IL1RAPL1: variants seen among roughly 807,000 people sequenced by gnomAD.
IL1RAPL1 encodes the protein interleukin-1 receptor accessory protein-like 1.
In IL1RAPL1, 3 loss-of-function variants were observed where a neutral mutation model predicts 48.4. The ratio of observed to expected loss-of-function variants is 0.06; its 90% CI spans 0.03 to 0.16. The LOEUF (loss-of-function observed/expected upper bound fraction) is 0.16, where lower values mean the gene tolerates loss of function less well. IL1RAPL1 is among the 10% of genes least tolerant of loss of function. The probability of loss-of-function intolerance (pLI) is 1.00; values close to 1 mark genes in which losing one functional copy is unlikely to be tolerated. For missense variants in IL1RAPL1, 349 were observed against 530.6 expected, an observed-to-expected ratio of 0.66 and a Z score of 3.36; for synonymous variants, 185 against 187.7, an observed-to-expected ratio of 0.99 and a Z score of 0.12.
chrX:29,091,364 C>T (rs1464743029), intron 2 of IL1RAPL1, among the ~76,000 whole-genome samples: 1 of 111,565 alleles, frequency 9.0e-6, no homozygotes, highest in African/African-American at 3.3e-5. Context: ...CAGGGTGTTA[C>T]TCATGTCTTA....
chrX:29,118,498 T>A (rs1226815766), intron 2 of IL1RAPL1, among the ~76,000 whole-genome samples: 1 of 112,042 alleles, frequency 8.9e-6, no homozygotes, highest in African/African-American at 3.2e-5. Flanking sequence ...TGTGATTTTA[T>A]ATTAATCAAA....
chrX:29,617,781 G>C (rs1245883136), intron 5 of IL1RAPL1, among the ~76,000 whole-genome samples: 2 of 111,561 alleles, frequency 1.8e-5, no homozygotes, highest in Non-Finnish European at 3.8e-5. Context: ...AAGTAAGAAT[G>C]CCCGAGGTAG....
At chrX:29,185,771 A>G (rs1022331161) in intron 2 of IL1RAPL1, among the ~76,000 whole-genome samples, 13 of 111,427 alleles carry the variant, frequency 1.2e-4, no homozygotes, top group African/African-American at 4.2e-4. Context: ...TGAGAAGGTC[A>G]AATGTGTAAT....
At chrX:29,393,936 C>T (rs1211225383) in intron 3 of IL1RAPL1, among the ~76,000 whole-genome samples, 1 of 111,008 alleles carries the variant, frequency 9.0e-6, no homozygotes, top group East Asian at 2.8e-4. Context: ...GTATTGCTGG[C>T]AAACCCAAAG....
chrX:28,815,418 A>C (rs778426980), intron 2 of IL1RAPL1, among the ~76,000 whole-genome samples: 13 of 110,702 alleles, frequency 1.2e-4, no homozygotes, highest in East Asian at 5.7e-4. Flanking sequence ...GATAATTGGG[A>C]TATCCATCAC....
Position 29,778,220 on chromosome X carries a change from T to C in IL1RAPL1, c.778+109716T>C, listed in dbSNP as rs928520300. Among the ~76,000 whole-genome samples the C allele has an allele frequency of 2.3e-3, 259 of 111,263 alleles. 2 individuals are homozygous for C. Among genetic ancestry groups the C allele is most frequent in the African/African-American group, 8.3e-3 (254 of 30,663 alleles). On this transcript the variant is annotated intron_variant, in intron 6 of 10. Coordinates refer to ENST00000378993, the MANE Select transcript of IL1RAPL1 (RefSeq NM_014271.4). Reference sequence around the variant, plus strand: ...TACCAATATTTTGCCAATATAAGAGTCCACATTTCTGTCTTCTTTTATAAA... The same window carrying C: ...TACCAATATTTTGCCAATATAAGAGCCCACATTTCTGTCTTCTTTTATAAA...
chrX:29,205,824 AC>A (rs1412188449), intron 2 of IL1RAPL1, among the ~76,000 whole-genome samples: 2 of 109,079 alleles, frequency 1.8e-5, no homozygotes, highest in Non-Finnish European at 3.8e-5. Context: ...AACCTCTGCC[AC>A]CCGGGTTCAA....
Position 29,078,608 on chromosome X carries a change from C to T in IL1RAPL1, c.83-204330C>T, listed in dbSNP as rs139977363. 2.0e-3 allele frequency among the ~76,000 whole-genome samples: 222 copies of T among 111,900 alleles called. 1 individual carries two copies. The highest frequency in any genetic ancestry group is 9.1e-3 in the Middle Eastern group (2 of 219). The stretch of plus-strand genomic sequence containing the variant: ...GTTTCATGTCCATGAAGATTCGAAG[C>T]GTTAAGTTATTTTACTCATGATAAC... On this transcript the variant is annotated intron_variant, in intron 2 of 10. Coordinates refer to ENST00000378993, the MANE Select transcript of IL1RAPL1 (RefSeq NM_014271.4).
intron 5 of IL1RAPL1, among the ~76,000 whole-genome samples, chrX:29,513,386 T>G (rs1935413692): frequency 8.9e-6 from 1 of 112,068 alleles, no homozygotes; most frequent in South Asian, 3.6e-4. Context: ...TCATATTATA[T>G]TATTTTTAAG....
rs911573562 is a variant in IL1RAPL1 at position 29,275,982 on chromosome X, G to C, written c.83-6956G>C. On this transcript the variant is annotated intron_variant, in intron 2 of 10. Transcript: ENST00000378993. ...TTGAAAAGTGTAATTCTGTTCTTTT[G>C]TCTGCTCTAAAACAAAAACAAAATA... 2.5e-4 allele frequency among the ~76,000 whole-genome samples: 28 copies of C among 112,252 alleles called. 1 individual carries two copies. The highest frequency in any genetic ancestry group is 8.4e-4 in the African/African-American group (26 of 30,881).
At chrX:29,109,665 T>G (rs1243216416) in intron 2 of IL1RAPL1, among the ~76,000 whole-genome samples, 4 of 110,559 alleles carry the variant, frequency 3.6e-5, no homozygotes, top group Admixed American at 2.9e-4. Flanking sequence ...GGACATTGAG[T>G]ATATAGTGCT....
intron 6 of IL1RAPL1, among the ~76,000 whole-genome samples, chrX:29,753,785 T>C (rs1374526463): frequency 1.8e-5 from 2 of 111,948 alleles, no homozygotes; most frequent in Non-Finnish European, 1.9e-5. Flanking sequence ...ATGATTAGTC[T>C]TATCACAATC....
chrX:29,121,125 A>C (rs1160550289), intron 2 of IL1RAPL1, among the ~76,000 whole-genome samples: 3 of 112,109 alleles, frequency 2.7e-5, no homozygotes, highest in African/African-American at 9.7e-5. Flanking sequence ...ACCTACAGCT[A>C]AGGTCATAGT....
chrX:29,302,037 A>G, intron 3 of IL1RAPL1, among the ~76,000 whole-genome samples: 1 of 111,970 alleles, frequency 8.9e-6, no homozygotes, highest in African/African-American at 3.2e-5. Flanking sequence ...AGAAGCTAGA[A>G]AGTTAACTTT....
chrX:29,451,045 C>T lies in IL1RAPL1; in HGVS notation c.703+51737C>T, dbSNP rs772308411. On this transcript the variant is annotated intron_variant, in intron 5 of 10. Transcript: ENST00000378993. ...GAAATAGTCAAGTTCAAAGGAAGCA[C>T]GTTCAAAAAAGATAGTGAAGTTTCT... is the stretch of plus-strand genomic sequence containing the variant. 5.6e-5 allele frequency among the ~76,000 whole-genome samples: 6 copies of T among 106,927 alleles called. No homozygotes were observed. In the South Asian group the frequency reaches 2.4e-3, roughly 44 times the overall value. The allele number at this position is 106,927 out of a possible 115,157, so 92.9% of individuals were successfully genotyped here.
At chrX:29,949,570 CAG>C (rs991628338) in intron 9 of IL1RAPL1, among the ~76,000 whole-genome samples, 1 of 112,152 alleles carries the variant, frequency 8.9e-6, no homozygotes, top group African/African-American at 3.2e-5. Flanking sequence ...GCTTAAATTG[CAG>C]AGGATTTTGA....
At chrX:29,162,716 G>A (rs1391839530) in intron 2 of IL1RAPL1, among the ~76,000 whole-genome samples, 3 of 110,753 alleles carry the variant, frequency 2.7e-5, no homozygotes, top group Non-Finnish European at 5.7e-5. Context: ...CCATCACAAT[G>A]GGGAAAAGAA....
chrX:29,304,855 C>T (rs185780517), intron 3 of IL1RAPL1, among the ~76,000 whole-genome samples: 1 of 112,795 alleles, frequency 8.9e-6, no homozygotes, highest in East Asian at 2.8e-4. Context: ...ACTGAAACCT[C>T]TGCCTCCTGG....
In IL1RAPL1 at chrX:29,163,803, A is replaced by G. The variant is rs1377463261; in HGVS notation, c.83-119135A>G. Among the ~76,000 whole-genome samples, 5 of 112,184 alleles carry G rather than the reference A, an allele frequency of 4.5e-5. No individual in the cohort carries two copies. In the East Asian group the frequency reaches 1.4e-3, roughly 31 times the overall value. ...AATTTGAATTTTCATATATTTAAAT[A>G]CATATGCATAAATGATATTTTCAGC... On this transcript the variant is annotated intron_variant, in intron 2 of 10. Transcript: ENST00000378993.
Sources: gnomAD v4.1 joint callset for allele counts (sites outside exome capture counted in the v4.1 genomes callset) on GRCh38, gnomAD v4.1.1 for gene constraint, MANE v1.5 for transcripts, NCBI Gene and HGNC (gene_info 2026-07-23, HGNC 2026-07-21) for gene names.